The following MMP26 variants were observed in gnomAD, a reference collection of about 807,000 sequenced individuals.
MMP26 encodes matrix metalloproteinase-26.
In MMP26, 33 loss-of-function variants were observed where a neutral mutation model predicts 31.0. The ratio of observed to expected loss-of-function variants is 1.06; its 90% CI spans 0.81 to 1.42. MMP26 has a LOEUF of 1.42. MMP26 is among the 40% of genes most tolerant of loss of function. The pLI is 0.00. For synonymous variants in MMP26, 122 were observed against 114.9 expected (o/e 1.06, Z -0.40); for missense variants, 347 against 316.1 (o/e 1.10, Z -0.74).
In MMP26 at chr11:4,822,265, T is replaced by C. The variant is rs755153792; in HGVS notation, c.-145+54924T>C. On this transcript the variant is annotated intron_variant, in intron 2 of 7. Coordinates refer to ENST00000380390, the MANE Select transcript of MMP26 (RefSeq NM_021801.5). Reference sequence around the variant, plus strand: ...TGTCCACATCATCATGGCCAATGTCTTTCTGCTAATCCCTCCTGTGCTCAA... The same window carrying C: ...TGTCCACATCATCATGGCCAATGTCCTTCTGCTAATCCCTCCTGTGCTCAA... 6.4e-6 allele frequency: 10 copies of C among 1,565,730 alleles called. No individual in the cohort carries two copies. In the East Asian group the frequency reaches 1.8e-4, roughly 28 times the overall value.
At chr11:4,914,089 C>T (rs1325701453) in intron 2 of MMP26, 1 of 152,040 alleles carries the variant, frequency 6.6e-6, no homozygotes, top group African/African-American at 2.4e-5. Flanking sequence ...ATTGCTTTAC[C>T]AGATGCCAAT....
chr11:4,804,816 C>A (rs72867300), intron 2 of MMP26, among the ~76,000 whole-genome samples: 20,851 of 146,142 alleles, frequency 0.14, 1,683 homozygotes, highest in Middle Eastern at 0.2. Flanking sequence ...CAAAAAAAAA[C>A]CCCATTAGCC....
At chr11:4,848,203 G>T (rs1291250318) in intron 2 of MMP26, 2 of 1,564,304 alleles carry the variant, frequency 1.3e-6, no homozygotes, top group East Asian at 2.2e-5. Flanking sequence ...AGTATCAGGA[G>T]CCCTGTACCA....
At chr11:4,732,907 CCA>C (rs1848193527) in intron 1 of MMP26, among the ~76,000 whole-genome samples, 1 of 152,204 alleles carries the variant, frequency 6.6e-6, no homozygotes, top group African/African-American at 2.4e-5. Context: ...GTTGAAAACA[CCA>C]TTCTTTCTTC....
At chr11:4,911,062 T>C (rs141032380) in intron 2 of MMP26, among the ~76,000 whole-genome samples, 1 of 152,242 alleles carries the variant, frequency 6.6e-6, no homozygotes, top group East Asian at 1.9e-4. Context: ...TAGATATTGG[T>C]TGGATAAATA....
At chr11:4,817,717 A>G (rs533349899) in intron 2 of MMP26, among the ~76,000 whole-genome samples, 3 of 152,346 alleles carry the variant, frequency 2.0e-5, no homozygotes, top group East Asian at 1.9e-4. Flanking sequence ...AGCTGTAAAC[A>G]TATTTGGATC....
At chr11:4,838,565 C>T (rs1345136585) in intron 2 of MMP26, among the ~76,000 whole-genome samples, 2 of 151,918 alleles carry the variant, frequency 1.3e-5, no homozygotes, top group Non-Finnish European at 2.9e-5. Flanking sequence ...CTCTAATACT[C>T]ACTCGTAGAA....
chr11:4,989,717 C>G lies in MMP26; in HGVS notation c.169C>G (p.Leu57Val), dbSNP rs769336128. 6.2e-7 allele frequency: 1 copy of G among 1,613,944 alleles called. No individual in the cohort carries two copies. ...CCTTACCCAGGAGACACAAACACAGCTCCTGCAACAATTCCATCGGAATGG... is the reference window on the plus strand; with the variant it reads ...CCTTACCCAGGAGACACAAACACAGGTCCTGCAACAATTCCATCGGAATGG... ...PLLTQETQTQ[L>V]LQQFHRNGTD... The change falls in exon 4 of 8, where the codon CTC becomes GTC. Residue 57 changes from leucine (L) to valine (V), a missense_variant. Physicochemically the swap from Leu to Val is conservative, Grantham distance 32 (BLOSUM62 1). Coordinates refer to ENST00000380390, the MANE Select transcript of MMP26 (RefSeq NM_021801.5).
chr11:4,875,052 C>T (rs1850361215), intron 2 of MMP26: 1 of 152,104 alleles, frequency 6.6e-6, no homozygotes, highest in Non-Finnish European at 1.5e-5. Context: ...GTAACCTGAA[C>T]AATGATTGAA....
intron 2 of MMP26, chr11:4,945,960 T>G: frequency 1.7e-6 from 1 of 594,786 alleles, no homozygotes; most frequent in Non-Finnish European, 3.0e-6. Context: ...TTTATTCTGC[T>G]TAACTGAAAT....
chr11:4,823,627 A>T (rs1268597819), intron 2 of MMP26, among the ~76,000 whole-genome samples: 2 of 152,168 alleles, frequency 1.3e-5, no homozygotes, highest in Non-Finnish European at 2.9e-5. Context: ...ATTAATGCCG[A>T]GACATCCATA....
At chr11:4,882,278 G>A in intron 2 of MMP26, 5 of 1,613,930 alleles carry the variant, frequency 3.1e-6, no homozygotes, top group Non-Finnish European at 4.2e-6. Flanking sequence ...CCGCTTCGTG[G>A]CTATCTGTAA....
intron 1 of MMP26, chr11:4,723,905 G>T (rs1210967893): frequency 1.8e-5 from 19 of 1,036,548 alleles, no homozygotes; most frequent in Non-Finnish European, 2.9e-5. Context: ...TCCTTCTCCT[G>T]GGTGCGCATG....
chr11:4,884,032 A>C (rs1292426652), intron 2 of MMP26, among the ~76,000 whole-genome samples: 1 of 151,996 alleles, frequency 6.6e-6, no homozygotes, highest in Non-Finnish European at 1.5e-5. Flanking sequence ...GTTTTCTTTC[A>C]AGCTATGTTG....
intron 2 of MMP26, among the ~76,000 whole-genome samples, chr11:4,812,276 A>G (rs1179535537): frequency 6.6e-6 from 1 of 152,202 alleles, no homozygotes; most frequent in African/African-American, 2.4e-5. Flanking sequence ...TATGTAGTAT[A>G]TAATATGTAA....
intron 2 of MMP26, among the ~76,000 whole-genome samples, chr11:4,809,048 G>T (rs1253738162): frequency 6.6e-6 from 1 of 151,842 alleles, no homozygotes; most frequent in Admixed American, 6.6e-5. Flanking sequence ...AACATAGGAA[G>T]CACAGGTTGT....
chr11:4,849,069 G>T, intron 2 of MMP26: 1 of 1,614,098 alleles, frequency 6.2e-7, no homozygotes, highest in South Asian at 1.1e-5. Flanking sequence ...ATTTCCCAGT[G>T]CAGAGAGAAG....
intron 2 of MMP26, among the ~76,000 whole-genome samples, chr11:4,779,601 C>A (rs1204938600): frequency 1.3e-5 from 2 of 151,992 alleles, no homozygotes; most frequent in African/African-American, 4.8e-5. Context: ...AATTCACTAG[C>A]AAACACCTCT....
intron 2 of MMP26, chr11:4,769,602 G>GA: frequency 6.2e-7 from 1 of 1,613,134 alleles, no homozygotes; most frequent in Non-Finnish European, 8.5e-7. Flanking sequence ...AATCCATGAA[G>GA]AAAAAACATC....
Sources: allele counts gnomAD v4.1 joint callset (sites outside exome capture counted in the v4.1 genomes callset), GRCh38; gene constraint gnomAD v4.1.1; transcripts MANE v1.5; gene names NCBI Gene and HGNC (gene_info 2026-07-23, HGNC 2026-07-21).